The following SORBS3 variants were observed in gnomAD, a reference collection of about 807,000 sequenced individuals.
SORBS3 encodes vinexin.
SORBS3 carries 69 observed loss-of-function variants against 98.0 expected under a neutral mutation model. The ratio of observed to expected loss-of-function variants is 0.70; its 90% confidence interval spans 0.58 to 0.86. The LOEUF (loss-of-function observed/expected upper bound fraction) is 0.86, where lower values mean the gene tolerates loss of function less well. Ranked by LOEUF, SORBS3 falls within the 40% of genes least tolerant of loss-of-function variation. SORBS3 has a pLI of 0.00. For missense variants in SORBS3, 954 were observed against 908.5 expected, an observed-to-expected ratio of 1.05 and a Z score of -0.64; for synonymous variants, 394 against 355.4, an observed-to-expected ratio of 1.11 and a Z score of -1.22.
chr8:22,554,917 C>T lies in SORBS3; in HGVS notation c.157C>T (p.Pro53Ser), dbSNP rs1840157123. Reference protein sequence around the residue: ...SNTLNFQFHDPAPRTVCNGGY... With the variant: ...SNTLNFQFHDSAPRTVCNGGY... ...CACCCTTAATTTCCAGTTCCACGACCCCGCGCCCAGGACTGTGTGCAATGG... is the reference window on the plus strand; with the variant it reads ...CACCCTTAATTTCCAGTTCCACGACTCCGCGCCCAGGACTGTGTGCAATGG... Residue 53 changes from proline (P) to serine (S), a missense_variant, in exon 3 of 21, where the codon CCC becomes TCC. Transcript: ENST00000240123. The surrounding 1 kb of genome is among the most constrained non-coding windows in gnomAD (Gnocchi z 6.5). 1 of 1,613,626 alleles carries T rather than the reference C, an allele frequency of 6.2e-7. No homozygotes were observed. The highest frequency in any genetic ancestry group is 1.7e-5 in the Admixed American group (1 of 60,000).
intron 7 of SORBS3, among the ~76,000 whole-genome samples, chr8:22,562,980 G>A (rs180673051): frequency 2.6e-5 from 4 of 152,252 alleles, no homozygotes; most frequent in East Asian, 1.9e-4. Context: ...TTAGCCGGGC[G>A]CGGTGGCGGG....
In SORBS3 at chr8:22,574,881, C is replaced by T; in HGVS notation, c.*153C>T. Reference sequence around the variant, plus strand: ...CCCGCAGCCTTTCCCTCGGACCCCCCTCGAAGCCCCCTGGACTGATTCCCA... The same window carrying T: ...CCCGCAGCCTTTCCCTCGGACCCCCTTCGAAGCCCCCTGGACTGATTCCCA... On this transcript the variant is annotated 3_prime_UTR_variant, in exon 21 of 21. Coordinates refer to ENST00000240123, the MANE Select transcript of SORBS3 (RefSeq NM_005775.5). The T allele has an allele frequency of 1.4e-6, 1 of 739,768 alleles. No homozygotes were observed. 45.8% of individuals were successfully genotyped at this position (739,768 alleles called of 1,614,324 possible). A position where few individuals can be genotyped will look rare whatever the true frequency, so the allele number is the denominator to read the frequency against.
intron 16 of SORBS3, among the ~76,000 whole-genome samples, chr8:22,567,557 C>G (rs1840458548): frequency 6.6e-6 from 1 of 152,210 alleles, no homozygotes; most frequent in African/African-American, 2.4e-5. Flanking sequence ...AGGTGTATTA[C>G]CGCCCTGGTT....
chr8:22,554,533 C>G lies in SORBS3; in HGVS notation c.27C>G (p.Arg9=). 6.2e-7 allele frequency: 1 copy of G among 1,612,636 alleles called. No individual in the cohort carries two copies. The highest frequency in any genetic ancestry group is 1.1e-5 in the South Asian group (1 of 91,058). The change falls in exon 2 of 21, where the codon CGC becomes CGG. Residue 9 remains arginine (R), a synonymous_variant. Transcript: ENST00000240123. The surrounding 1 kb of genome is among the most constrained non-coding windows in gnomAD (Gnocchi z 6.5). The part of the protein sequence containing the change: MQGPPRSL[R]AGLSLDDFIP... ...TGCAGGGCCCACCCCGCAGCCTCCGCGCTGGGCTCAGCCTGGACGACTTCA... is the reference window on the plus strand; with the variant it reads ...TGCAGGGCCCACCCCGCAGCCTCCGGGCTGGGCTCAGCCTGGACGACTTCA...
chr8:22,567,999 C>A (rs779060772), intron 16 of SORBS3, among the ~76,000 whole-genome samples: 1 of 152,042 alleles, frequency 6.6e-6, no homozygotes, highest in Non-Finnish European at 1.5e-5. Context: ...AGGAATGCGC[C>A]ACCACGCCCA....
intron 5 of SORBS3, among the ~76,000 whole-genome samples, chr8:22,559,368 T>C (rs190504244): frequency 4.6e-5 from 7 of 152,246 alleles, no homozygotes; most frequent in East Asian, 3.9e-4. Context: ...AAGTTGAAGA[T>C]TGGAGTTGCC....
At chr8:22,574,179 C>G (rs920409798) in intron 20 of SORBS3, among the ~76,000 whole-genome samples, 1 of 152,170 alleles carries the variant, frequency 6.6e-6, no homozygotes, top group African/African-American at 2.4e-5. Context: ...GTTCCCCCCC[C>G]TCCTCCTCTT....
intron 1 of SORBS3, among the ~76,000 whole-genome samples, chr8:22,552,702 G>T (rs2117204839): frequency 6.6e-6 from 1 of 152,292 alleles, no homozygotes; most frequent in South Asian, 2.1e-4. Context: ...GATGGCCCAG[G>T]CGGCAGCTGC....
chr8:22,572,534 A>C (rs1226372364), intron 20 of SORBS3, 88 bp downstream of exon 20: 1 of 1,074,028 alleles, frequency 9.3e-7, no homozygotes, highest in Non-Finnish European at 1.4e-6. Context: ...TTCAGCAAAG[A>C]TTCATGGCCG....
intron 1 of SORBS3, among the ~76,000 whole-genome samples, chr8:22,545,940 T>C (rs1840011338): frequency 6.6e-6 from 1 of 152,206 alleles, no homozygotes; most frequent in South Asian, 2.1e-4. Flanking sequence ...TTTTTCCCAA[T>C]AGTTCTGTCA....
At chr8:22,572,585 G>GC (rs1840619311) in intron 20 of SORBS3, 139 bp downstream of exon 20, 1 of 698,300 alleles carries the variant, frequency 1.4e-6, no homozygotes, top group African/African-American at 1.8e-5. Flanking sequence ...TACTGGGGGG[G>GC]CCTGGCACCC....
chr8:22,554,392 C>T lies in SORBS3; in HGVS notation c.-55-60C>T. ...CTCCTCCCCTATCCCAGGGTCGAGCCAAGAGGGCATGGGCAGCCTAGCCTA... is the reference window on the plus strand; with the variant it reads ...CTCCTCCCCTATCCCAGGGTCGAGCTAAGAGGGCATGGGCAGCCTAGCCTA... On this transcript the variant is annotated intron_variant, in intron 1 of 20. Transcript: ENST00000240123. This position sits in a 1 kb window ranked among gnomAD's most constrained non-coding sequence, Gnocchi z 6.5. 1.3e-6 allele frequency: 2 copies of T among 1,481,564 alleles called. No individual in the cohort carries two copies. The highest frequency in any genetic ancestry group is 1.8e-6 in the Non-Finnish European group (2 of 1,120,452). The allele number at this position is 1,481,564 out of a possible 1,614,324, so 91.8% of individuals were successfully genotyped here.
rs757516425 is a variant in SORBS3 at position 22,556,701 on chromosome 8, C to A, written c.221-14C>A. On this transcript the variant is annotated splice_polypyrimidine_tract_variant and intron_variant, in intron 3 of 20. Transcript: ENST00000240123. ...CCTGCCTTTCACTAATGCTCTCCTG[C>A]ACGCACCCAACAGACCCTGCGTGGT... 1.2e-6 allele frequency: 2 copies of A among 1,613,250 alleles called. No homozygotes were observed. The highest frequency in any genetic ancestry group is 1.7e-6 in the Non-Finnish European group (2 of 1,179,766).
In SORBS3 at chr8:22,572,379, C is replaced by T. The variant is rs376396407; in HGVS notation, c.1887C>T (p.Asp629=). 3.7e-5 allele frequency: 60 copies of T among 1,614,084 alleles called. No individual in the cohort carries two copies. The highest frequency in any genetic ancestry group is 1.6e-4 in the Middle Eastern group (1 of 6,062). Residue 629 remains aspartate (D), a synonymous_variant, in exon 20 of 21, where the codon GAC becomes GAT. Coordinates refer to ENST00000240123, the MANE Select transcript of SORBS3 (RefSeq NM_005775.5). ...ACCAGTACAGGCCCCAGAACGAAGA[C>T]GAGCTGGAGCTGCGCGAGGGGGACA... The part of the protein sequence containing the change: ...AMYQYRPQNE[D]ELELREGDRV...
At position 22,574,675 on chromosome 8, in the gene SORBS3, C is replaced by T. The variant is rs773761449; in HGVS notation, c.1963C>T (p.Arg655Trp). 1.2e-6 allele frequency: 2 copies of T among 1,612,444 alleles called. No individual in the cohort carries two copies. The highest frequency in any genetic ancestry group is 1.3e-5 in the African/African-American group (1 of 74,802). Residue 655 changes from arginine (R) to tryptophan (W), a missense_variant, in exon 21 of 21, where the codon CGG (arginine) becomes TGG (tryptophan). Arg to Trp is a moderately radical substitution (Grantham distance 101, BLOSUM62 -3). Transcript: ENST00000240123. ...TGCCTTTCCTCTTTCAGGTGTCTCC[C>T]GGAGGACCCAGAAATTCGGAACGTT... Reference protein sequence around the residue: ...CDDGWFVGVSRRTQKFGTFPG... With the variant: ...CDDGWFVGVSWRTQKFGTFPG...
chr8:22,565,491 C>A, intron 11 of SORBS3, 137 bp downstream of exon 11: 1 of 672,262 alleles, frequency 1.5e-6, no homozygotes, highest in Non-Finnish European at 2.2e-6. Flanking sequence ...CGGCCTCGGG[C>A]CCTCCTGGGC....
In SORBS3 at chr8:22,571,140, C is replaced by A; in HGVS notation, c.1662C>A (p.Asp554Glu). The A allele has an allele frequency of 6.2e-7, 1 of 1,601,998 alleles. No individual in the cohort carries two copies. The highest frequency in any genetic ancestry group is 8.5e-7 in the Non-Finnish European group (1 of 1,176,024). ...CCTCAGCCCTGCGCAGCCCAGCTGA[C>A]CCCATCGACTTGGGGGGACAGACCT... is the stretch of plus-strand genomic sequence containing the variant. ...SSPSALRSPA[D>E]PIDLGGQTSP... is the part of the protein sequence containing the mutation. The change falls in exon 18 of 21, where the codon GAC becomes GAA. Residue 554 changes from aspartate to glutamate, a missense_variant. Physicochemically the swap from Asp to Glu is conservative, Grantham distance 45. Coordinates refer to ENST00000240123, the MANE Select transcript of SORBS3 (RefSeq NM_005775.5).
In SORBS3 at chr8:22,554,552, G is replaced by A. The variant is rs1043179484; in HGVS notation, c.46G>A (p.Asp16Asn). 8 of 1,612,804 alleles carry A rather than the reference G, an allele frequency of 5.0e-6. No homozygotes were observed. Among genetic ancestry groups the A allele is most frequent in the African/African-American group, 2.7e-5 (2 of 74,938 alleles). Residue 16 changes from aspartate (D) to asparagine (N), a missense_variant, in exon 2 of 21, where the codon GAC (aspartate) becomes AAC (asparagine). Coordinates refer to ENST00000240123, the MANE Select transcript of SORBS3 (RefSeq NM_005775.5). This position sits in a 1 kb window ranked among gnomAD's most constrained non-coding sequence, Gnocchi z 6.5. ...CCTCCGCGCTGGGCTCAGCCTGGAC[G>A]ACTTCATCCCTGGCCACCTCCAGTC... ...RSLRAGLSLD[D>N]FIPGHLQSHI...
chr8:22,548,407 A>T (rs1443357956), upstream of SORBS3, among the ~76,000 whole-genome samples: 1 of 152,212 alleles, frequency 6.6e-6, no homozygotes, highest in East Asian at 1.9e-4. Context: ...ACTTGGTTTC[A>T]ATTCCTCACC....
Sources: gnomAD v4.1 joint callset for allele counts (sites outside exome capture counted in the v4.1 genomes callset) on GRCh38, gnomAD v4.1.1 for gene constraint, Gnocchi (gnomAD v3.1) non-coding constraint, MANE v1.5 for transcripts, NCBI Gene and HGNC (gene_info 2026-07-23, HGNC 2026-07-21) for gene names.